Variants in THSD7B observed in about 807,000 individuals in gnomAD.
The protein encoded by THSD7B is thrombospondin type-1 domain-containing protein 7B.
In THSD7B, 138 loss-of-function variants were observed where a neutral mutation model predicts 213.6. The observed-to-expected ratio is 0.65, with a 90% CI of 0.56 to 0.74. THSD7B has a LOEUF of 0.74. Among genes scored for constraint, THSD7B ranks in the 30% least tolerant of loss-of-function variants. The pLI is 0.00. For missense variants in THSD7B, 1,931 were observed against 1,991.5 expected, an observed-to-expected ratio of 0.97 and a Z score of 0.58; for synonymous variants, 742 against 687.0, an observed-to-expected ratio of 1.08 and a Z score of -1.25.
chr2:137,404,462 TATATATATATATACACACAC>T (rs1384532177), intron 12 of THSD7B, among the ~76,000 whole-genome samples: 4 of 81,918 alleles, frequency 4.9e-5, no homozygotes, highest in African/African-American at 8.8e-5. Flanking sequence ...TATATATATA[TATATATATATATACACACAC>T]ACACACACAC....
At chr2:137,100,965 T>A (rs1391180275) in intron 4 of THSD7B, among the ~76,000 whole-genome samples, 2 of 152,194 alleles carry the variant, frequency 1.3e-5, no homozygotes, top group African/African-American at 4.8e-5. Context: ...TAGTCTGAAT[T>A]TGTCCAAGTT....
intron 17 of THSD7B, among the ~76,000 whole-genome samples, chr2:137,613,622 G>C (rs1208938441): frequency 1.3e-5 from 2 of 152,028 alleles, no homozygotes; most frequent in African/African-American, 4.8e-5. Flanking sequence ...AATAAAACTG[G>C]TCCAAAGTTG....
chr2:136,902,215 C>T (rs552783620), intron 2 of THSD7B, among the ~76,000 whole-genome samples: 3 of 152,174 alleles, frequency 2.0e-5, no homozygotes, highest in African/African-American at 7.2e-5. Context: ...GCAGGATATA[C>T]TGAATTTATC....
intron 5 of THSD7B, among the ~76,000 whole-genome samples, chr2:137,145,231 A>T (rs1046235956): frequency 1.3e-5 from 2 of 152,118 alleles, no homozygotes; most frequent in African/African-American, 4.8e-5. Context: ...TGAAAGGAGT[A>T]TCATATAATT....
rs1016888718 is a variant in THSD7B, at chr2:137,308,843, T to A, written c.2500+32817T>A. 4.6e-5 allele frequency among the ~76,000 whole-genome samples: 7 copies of A among 152,248 alleles called. No individual in the cohort carries two copies. In the East Asian group the frequency reaches 1.4e-3, roughly 29 times the overall value. On this transcript the variant is annotated intron_variant, in intron 12 of 27. Coordinates refer to ENST00000409968, the MANE Select transcript of THSD7B (RefSeq NM_001316349.2). ...CAACTGTTTTTTTCCTTGCTAACAC[T>A]TTGCAGACATATCTTAAAGTCCTTA...
chr2:137,256,526 G>C (rs180680758), intron 10 of THSD7B, among the ~76,000 whole-genome samples: 1 of 152,188 alleles, frequency 6.6e-6, no homozygotes, highest in East Asian at 1.9e-4. Context: ...ATGAATTACA[G>C]GTGGCTAATG....
intron 12 of THSD7B, among the ~76,000 whole-genome samples, chr2:137,330,340 C>T (rs1331342522): frequency 6.6e-6 from 1 of 152,130 alleles, no homozygotes; most frequent in Non-Finnish European, 1.5e-5. Context: ...GACCTGACAA[C>T]TTGCACCGTG....
chr2:137,419,426 A>C lies in THSD7B; in HGVS notation c.2959+7554A>C, dbSNP rs1558791299. On this transcript the variant is annotated intron_variant, in intron 14 of 27. Coordinates refer to ENST00000409968, the MANE Select transcript of THSD7B (RefSeq NM_001316349.2). ...GATACACTGATAATCGAAGAGTGAA[A>C]AGGACAGAGAATAATGTTACTGAGT... Among the ~76,000 whole-genome samples the C allele has an allele frequency of 5.8e-5, 2 of 34,264 alleles. 1 individual carries two copies. Among genetic ancestry groups the C allele is most frequent in the Non-Finnish European group, 2.7e-4 (2 of 7,310 alleles). 22.5% of individuals were successfully genotyped at this position (34,264 alleles called of 152,430 possible).
intron 10 of THSD7B, among the ~76,000 whole-genome samples, chr2:137,248,951 A>G (rs891085639): frequency 2.0e-5 from 3 of 152,192 alleles, no homozygotes; most frequent in Non-Finnish European, 4.4e-5. Context: ...GCTCTGATAC[A>G]TGAGTGCAGG....
chr2:136,973,092 A>G (rs1052996044), intron 2 of THSD7B, among the ~76,000 whole-genome samples: 3 of 152,156 alleles, frequency 2.0e-5, no homozygotes, highest in African/African-American at 7.2e-5. Context: ...GTCCACTCCA[A>G]CACTCCTACC....
chr2:137,308,286 G>A (rs778707720), intron 12 of THSD7B, among the ~76,000 whole-genome samples: 11 of 152,124 alleles, frequency 7.2e-5, no homozygotes, highest in Non-Finnish European at 1.3e-4. Flanking sequence ...TGTTCAGTGT[G>A]TGATGATTTT....
At chr2:136,997,782 A>C (rs1437530529) in intron 2 of THSD7B, among the ~76,000 whole-genome samples, 1 of 152,118 alleles carries the variant, frequency 6.6e-6, no homozygotes, top group Non-Finnish European at 1.5e-5. Context: ...TATGTCATGG[A>C]AGTGATTCAG....
intron 12 of THSD7B, among the ~76,000 whole-genome samples, chr2:137,333,180 C>T (rs1042233656): frequency 2.0e-5 from 3 of 152,268 alleles, no homozygotes; most frequent in African/African-American, 7.2e-5. Flanking sequence ...TCCTGGACGT[C>T]TAACCCCCTT....
At chr2:137,416,943 T>C (rs1158029669) in intron 14 of THSD7B, among the ~76,000 whole-genome samples, 1 of 152,228 alleles carries the variant, frequency 6.6e-6, no homozygotes, top group African/African-American at 2.4e-5. Context: ...GTGAATAAGC[T>C]TTCATTCATC....
chr2:137,006,852 T>C (rs1686123374), intron 2 of THSD7B, among the ~76,000 whole-genome samples: 1 of 152,200 alleles, frequency 6.6e-6, no homozygotes. Context: ...TTAAAAGATT[T>C]CTCATTATTT....
intron 7 of THSD7B, among the ~76,000 whole-genome samples, chr2:137,178,492 C>T (rs1485058313): frequency 6.6e-6 from 1 of 152,198 alleles, no homozygotes; most frequent in African/African-American, 2.4e-5. Flanking sequence ...GTTCACGCTA[C>T]AGGAATCAGA....
intron 7 of THSD7B, among the ~76,000 whole-genome samples, chr2:137,187,407 G>C (rs1434651960): frequency 6.6e-6 from 1 of 152,224 alleles, no homozygotes; most frequent in Non-Finnish European, 1.5e-5. Context: ...AAGCTCAAGA[G>C]CAGCACTTCC....
At chr2:137,641,182 TAAC>T (rs1157943872) in intron 20 of THSD7B, among the ~76,000 whole-genome samples, 3 of 152,184 alleles carry the variant, frequency 2.0e-5, no homozygotes, top group Non-Finnish European at 4.4e-5. Context: ...TGAATAGCTT[TAAC>T]AACATTTTCT....
At chr2:137,438,874 TTGAGA>T (rs1687343154) in intron 14 of THSD7B, among the ~76,000 whole-genome samples, 1 of 152,142 alleles carries the variant, frequency 6.6e-6, no homozygotes, top group Non-Finnish European at 1.5e-5. Flanking sequence ...GTTAAGGAAC[TTGAGA>T]TGAGATCATC....
Sources: allele counts gnomAD v4.1 joint callset (sites outside exome capture counted in the v4.1 genomes callset), GRCh38; gene constraint gnomAD v4.1.1; transcripts MANE v1.5; gene names NCBI Gene and HGNC (gene_info 2026-07-23, HGNC 2026-07-21).